SDK1: variants seen among roughly 807,000 people sequenced by gnomAD.
SDK1 encodes sidekick cell adhesion molecule 1.
A neutral mutation model predicts 245.5 loss-of-function variants in SDK1; 157 were observed. The ratio of observed to expected loss-of-function variants is 0.64; its 90% CI spans 0.56 to 0.73. The LOEUF (loss-of-function observed/expected upper bound fraction) is 0.73. Among genes scored for constraint, SDK1 ranks in the 30% least tolerant of loss-of-function variants. The pLI is 0.00. For missense variants in SDK1, 3,583 were observed against 3,002.3 expected, an observed-to-expected ratio of 1.19 and a Z score of -4.52; for synonymous variants, 1,647 against 1,278.5, an observed-to-expected ratio of 1.29 and a Z score of -6.15.
At chr7:3,577,275 TA>T (rs1371320185) in intron 1 of SDK1, among the ~76,000 whole-genome samples, 1 of 152,078 alleles carries the variant, frequency 6.6e-6, no homozygotes, top group Non-Finnish European at 1.5e-5. Flanking sequence ...GAATAGCTAA[TA>T]GCAGCGCTCT....
intron 1 of SDK1, among the ~76,000 whole-genome samples, chr7:3,503,950 G>A (rs924523921): frequency 6.6e-6 from 1 of 151,946 alleles, no homozygotes; most frequent in Admixed American, 6.6e-5. Flanking sequence ...AGGAGTTTGA[G>A]ACCAACTTGA....
At position 4,210,032 on chromosome 7, in the gene SDK1, G is replaced by A; in HGVS notation, c.5409G>A (p.Gly1803=). The A allele has an allele frequency of 6.3e-7, 1 of 1,584,844 alleles. No individual in the cohort carries two copies. Residue 1803 remains glycine (G), a synonymous_variant, in exon 38 of 45, where the codon GGG becomes GGA. Coordinates refer to ENST00000404826, the MANE Select transcript of SDK1 (RefSeq NM_152744.4). ...TGTGTTCTATTCTCCCAGCCCCTGG[G>A]GCCCCCAGCTTTCTGGCGTTCTCAG... is the stretch of plus-strand genomic sequence containing the variant. ...QQGRTHQAAP[G]APSFLAFSEI...
At chr7:3,457,851 G>T (rs759552922) in intron 1 of SDK1, among the ~76,000 whole-genome samples, 4 of 152,106 alleles carry the variant, frequency 2.6e-5, no homozygotes, top group Admixed American at 6.5e-5. Context: ...GGTTTTACTT[G>T]TTTATTGGAG....
chr7:3,673,115 T>C (rs1374603788), intron 4 of SDK1, among the ~76,000 whole-genome samples: 1 of 152,196 alleles, frequency 6.6e-6, no homozygotes, highest in African/African-American at 2.4e-5. Context: ...AAGGCAGCGG[T>C]TCCTCAATTT....
chr7:4,144,487 C>T (rs1050910640), intron 28 of SDK1, among the ~76,000 whole-genome samples: 4 of 150,434 alleles, frequency 2.7e-5, no homozygotes, highest in Non-Finnish European at 5.9e-5. Context: ...TGCCTGGGGC[C>T]TGATGTGAGG....
rs540576771 is a variant in SDK1 at position 4,149,110 on chromosome 7, C to A, written c.4424-152C>A. On this transcript the variant is annotated intron_variant, in intron 29 of 44. Coordinates refer to ENST00000404826, the MANE Select transcript of SDK1 (RefSeq NM_152744.4). ...AAACAGAGCCTCTCATCTCCCTGAC[C>A]CAAGGAAGGGACTGGCTTCAGACTG... 523 of 473,074 alleles carry A rather than the reference C, an allele frequency of 1.1e-3. 1 individual carries two copies. Among genetic ancestry groups the A allele is most frequent in the African/African-American group, 9.1e-3 (448 of 49,210 alleles). The allele number at this position is 473,074 out of a possible 1,614,324, so 29.3% of individuals were successfully genotyped here. A position where few individuals can be genotyped will look rare whatever the true frequency, so the allele number is the denominator to read the frequency against.
At chr7:3,649,297 A>G (rs1782937474) in intron 4 of SDK1, among the ~76,000 whole-genome samples, 1 of 152,132 alleles carries the variant, frequency 6.6e-6, no homozygotes, top group East Asian at 1.9e-4. Context: ...TAGAGTTATA[A>G]TTTGTATATA....
chr7:4,233,138 G>T, intron 40 of SDK1, 117 bp from the exon 41 acceptor site: 1 of 897,552 alleles, frequency 1.1e-6, no homozygotes, highest in Non-Finnish European at 1.7e-6. Flanking sequence ...CGCATCCAGT[G>T]CCCCTGATGC....
Position 3,965,228 on chromosome 7 carries a change from G to T in SDK1, c.1430-2090G>T, listed in dbSNP as rs1039683259. On this transcript the variant is annotated intron_variant, in intron 9 of 44. Coordinates refer to ENST00000404826, the MANE Select transcript of SDK1 (RefSeq NM_152744.4). ...GCAGGCTGAATTTGGCCCCCAGGTT[G>T]TAGTTTGCCAATCTCCATTCCAGTG... 3.6e-4 allele frequency among the ~76,000 whole-genome samples: 55 copies of T among 152,240 alleles called. 1 individual carries two copies. Among genetic ancestry groups the T allele is most frequent in the South Asian group, 6.2e-4 (3 of 4,820 alleles).
rs567595315 is a variant in SDK1 at position 3,970,052 on chromosome 7, C to A, written c.1714+628C>A. ...GTTTTCTGGAGCTTAAGGATTGGAC[C>A]AAATGGTCCCCCATTGCCACTTTTT... is the stretch of plus-strand genomic sequence containing the variant. On this transcript the variant is annotated intron_variant, in intron 11 of 44. Transcript: ENST00000404826. 3.3e-4 allele frequency among the ~76,000 whole-genome samples: 51 copies of A among 152,278 alleles called. No individual in the cohort carries two copies. The South Asian group carries it at 0.01, about 31-fold the overall frequency.
chr7:4,232,176 C>G (rs1186244771), intron 40 of SDK1, among the ~76,000 whole-genome samples: 3 of 150,596 alleles, frequency 2.0e-5, no homozygotes, highest in African/African-American at 7.3e-5. Flanking sequence ...ATCCTCAAAG[C>G]AAATCTATGA....
intron 1 of SDK1, among the ~76,000 whole-genome samples, chr7:3,453,107 T>C (rs1583879394): frequency 6.6e-6 from 1 of 152,098 alleles, no homozygotes; most frequent in South Asian, 2.1e-4. Context: ...CTGCCACTGG[T>C]GTCTAGAACT....
chr7:3,493,908 C>T (rs922181962), intron 1 of SDK1, among the ~76,000 whole-genome samples: 1 of 152,190 alleles, frequency 6.6e-6, no homozygotes, highest in African/African-American at 2.4e-5. Flanking sequence ...TTGGAAATAT[C>T]AATTCAAGCA....
intron 1 of SDK1, among the ~76,000 whole-genome samples, chr7:3,466,464 G>T (rs1048545148): frequency 6.9e-6 from 1 of 144,376 alleles, no homozygotes. Context: ...TCTAGTATGC[G>T]TCCTAATCTC....
At chr7:3,623,629 A>C (rs757845255) in intron 2 of SDK1, among the ~76,000 whole-genome samples, 7 of 152,216 alleles carry the variant, frequency 4.6e-5, no homozygotes, top group Non-Finnish European at 8.8e-5. Context: ...TTCAGCAATT[A>C]AACTAAGTTT....
intron 4 of SDK1, among the ~76,000 whole-genome samples, chr7:3,673,199 C>T (rs1783775977): frequency 6.6e-6 from 1 of 152,142 alleles, no homozygotes; most frequent in South Asian, 2.1e-4. Flanking sequence ...TCTCATCCTA[C>T]AGACAGGATA....
intron 38 of SDK1, among the ~76,000 whole-genome samples, chr7:4,216,685 A>G (rs1411561253): frequency 6.6e-6 from 1 of 152,210 alleles, no homozygotes; most frequent in Non-Finnish European, 1.5e-5. Flanking sequence ...CTCACCTGGT[A>G]GGGGATCTGT....
intron 4 of SDK1, among the ~76,000 whole-genome samples, chr7:3,709,339 T>G (rs529007926): frequency 6.6e-6 from 1 of 152,322 alleles, no homozygotes; most frequent in African/African-American, 2.4e-5. Flanking sequence ...TTTCCCTCCA[T>G]CCATGCTGGA....
chr7:4,149,522 C>A, intron 30 of SDK1, 59 bp downstream of exon 30: 3 of 1,239,460 alleles, frequency 2.4e-6, no homozygotes, highest in Non-Finnish European at 2.1e-6. Context: ...CTCCAGCCAG[C>A]TCCTGTCCAG....
Sources: gnomAD v4.1 joint callset for allele counts (sites outside exome capture counted in the v4.1 genomes callset) on GRCh38, gnomAD v4.1.1 for gene constraint, MANE v1.5 for transcripts, NCBI Gene and HGNC (gene_info 2026-07-23, HGNC 2026-07-21) for gene names.